SLX4IP: variants seen among roughly 807,000 people sequenced by gnomAD.
SLX4IP encodes the protein protein SLX4IP.
Under a neutral mutation model 32.9 loss-of-function variants are expected in SLX4IP, and 34 were observed. That is an observed-to-expected ratio of 1.03 (90% confidence interval 0.79 to 1.38). The LOEUF (loss-of-function observed/expected upper bound fraction) is 1.38, where lower values mean the gene tolerates loss of function less well. SLX4IP is among the 40% of genes most tolerant of loss of function. SLX4IP has a pLI of 0.00. For missense variants in SLX4IP, 444 were observed against 479.0 expected (o/e 0.93, Z 0.68); for synonymous variants, 172 against 171.7 (o/e 1.00, Z -0.01).
chr20:10,613,711 C>T (rs1341308359), intron 6 of SLX4IP: 47 of 1,612,654 alleles, frequency 2.9e-5, no homozygotes, highest in East Asian at 6.7e-5. Context: ...GGGACCTCTC[C>T]GGCGTCAATA....
chr20:10,623,257 CATCTT>C lies in SLX4IP; in HGVS notation c.1108_1112del (p.Leu370GlufsTer3). 3 of 1,614,226 alleles carry C rather than the reference CATCTT, an allele frequency of 1.9e-6. No homozygotes were observed. In the South Asian group the frequency reaches 3.3e-5, roughly 18 times the overall value. ...TGTTTTGGAAAGTCTCTCCTCCAGA[CATCTT>C]ATGAAAAATAACCCAGGGCAGGCAC... On this transcript the variant is annotated frameshift_variant, in exon 8 of 8. Coordinates refer to ENST00000334534, the MANE Select transcript of SLX4IP (RefSeq NM_001009608.3). LOFTEE classifies it high-confidence loss of function.
chr20:10,563,069 G>A (rs909658844), intron 4 of SLX4IP, among the ~76,000 whole-genome samples: 1 of 152,142 alleles, frequency 6.6e-6, no homozygotes, highest in Non-Finnish European at 1.5e-5. Flanking sequence ...ATCCTTGCCA[G>A]CACTTGTTAG....
At chr20:10,501,307 C>G (rs2065716015) in intron 2 of SLX4IP, among the ~76,000 whole-genome samples, 1 of 152,080 alleles carries the variant, frequency 6.6e-6, no homozygotes, top group Admixed American at 6.5e-5. Flanking sequence ...GAAACTAATG[C>G]TTTAATTTAC....
At chr20:10,613,362 C>A (rs2066990045) in intron 6 of SLX4IP, 1 of 1,269,892 alleles carries the variant, frequency 7.9e-7, no homozygotes. Flanking sequence ...TGCTTTTTGC[C>A]TTCAAGTCTT....
intron 2 of SLX4IP, among the ~76,000 whole-genome samples, chr20:10,468,687 C>CT (rs1881118376): frequency 6.6e-6 from 1 of 152,172 alleles, no homozygotes; most frequent in Non-Finnish European, 1.5e-5. Flanking sequence ...CAGTGAATGA[C>CT]TTGCTTTTTC....
rs1048066671 is a variant in SLX4IP at position 10,598,937 on chromosome 20, C to T, written c.316+185C>T. Among the ~76,000 whole-genome samples the T allele has an allele frequency of 2.0e-5, 3 of 152,330 alleles. No homozygotes were observed. In the East Asian group the frequency reaches 5.8e-4, roughly 29 times the overall value. On this transcript the variant is annotated intron_variant, in intron 5 of 7. Coordinates refer to ENST00000334534, the MANE Select transcript of SLX4IP (RefSeq NM_001009608.3). ...ACTGTGTTTACTGCCTCTCTAAGAA[C>T]AGTGAGCTGGGCCACATCATGCTTT...
chr20:10,580,764 A>G (rs1316552148), intron 4 of SLX4IP, among the ~76,000 whole-genome samples: 1 of 152,150 alleles, frequency 6.6e-6, no homozygotes, highest in African/African-American at 2.4e-5. Flanking sequence ...TGAAAAAAGC[A>G]TAACCATTTC....
chr20:10,449,101 T>A (rs1308814537), intron 1 of SLX4IP, among the ~76,000 whole-genome samples: 1 of 152,194 alleles, frequency 6.6e-6, no homozygotes, highest in Non-Finnish European at 1.5e-5. Flanking sequence ...CACCGTTTAA[T>A]TCATCCCCAG....
At chr20:10,454,408 G>A (rs1006028366) in intron 1 of SLX4IP, among the ~76,000 whole-genome samples, 1 of 113,298 alleles carries the variant, frequency 8.8e-6, no homozygotes, top group African/African-American at 2.7e-5. Flanking sequence ...TGCAGGCAGA[G>A]GAAGGTCTCT....
rs1223496161 is a variant in SLX4IP, at chr20:10,435,359, A to G, written c.-124A>G. 1.3e-5 allele frequency: 2 copies of G among 152,206 alleles called. No homozygotes were observed. Among genetic ancestry groups the G allele is most frequent in the Non-Finnish European group, 2.9e-5 (2 of 68,050 alleles). The allele number at this position is 152,206 out of a possible 1,614,324, so 9.4% of individuals were successfully genotyped here. A position where few individuals can be genotyped will look rare whatever the true frequency, so the allele number is the denominator to read the frequency against. ...TGGCTGCAGTTCCGGCTACCTGTGT[A>G]GTCCGAGTTTCCACAGCCAGGTACT... On this transcript the variant is annotated 5_prime_UTR_variant, in exon 1 of 8. Transcript: ENST00000334534.
At chr20:10,473,240 G>A (rs2065441233) in intron 2 of SLX4IP, among the ~76,000 whole-genome samples, 1 of 152,154 alleles carries the variant, frequency 6.6e-6, no homozygotes, top group South Asian at 2.1e-4. Flanking sequence ...CTACTCACAG[G>A]CTAAATGGTT....
Position 10,579,281 on chromosome 20 carries a change from A to G in SLX4IP, c.238+18461A>G, listed in dbSNP as rs570738711. 2.0e-5 allele frequency among the ~76,000 whole-genome samples: 3 copies of G among 152,222 alleles called. No homozygotes were observed. In the South Asian group the frequency reaches 6.2e-4, roughly 32 times the overall value. ...TCCAACTTTATTCTTTTGCATGTGG[A>G]TATCCAGTTGTCCAAGTACCTTTTG... On this transcript the variant is annotated intron_variant, in intron 4 of 7. Transcript: ENST00000334534.
chr20:10,554,981 A>C (rs1019561466), intron 2 of SLX4IP, among the ~76,000 whole-genome samples: 2 of 151,902 alleles, frequency 1.3e-5, no homozygotes, highest in African/African-American at 4.8e-5. Context: ...TATTTTTCTC[A>C]ATATTTGGTG....
chr20:10,480,871 C>T (rs1170309445), intron 2 of SLX4IP, among the ~76,000 whole-genome samples: 1 of 152,120 alleles, frequency 6.6e-6, no homozygotes, highest in Non-Finnish European at 1.5e-5. Context: ...AGTCTTGGCT[C>T]TTACTTTCTT....
Position 10,556,317 on chromosome 20 carries a change from A to G in SLX4IP, c.114A>G (p.Lys38=), listed in dbSNP as rs1425993639. The G allele has an allele frequency of 6.2e-6, 10 of 1,613,018 alleles. No homozygotes were observed. The highest frequency in any genetic ancestry group is 1.1e-5 in the South Asian group (1 of 90,610). The change falls in exon 3 of 8, where the codon AAA becomes AAG. Residue 38 remains lysine (K), a synonymous_variant. Coordinates refer to ENST00000334534, the MANE Select transcript of SLX4IP (RefSeq NM_001009608.3). ...CAAGCTGGTTTTCTGAACAGAAGAA[A>G]GAGGTACAACAAAACTTTCTACTAT... The part of the protein sequence containing the change: ...KDTSWFSEQK[K]EEVCLLLKET...
intron 4 of SLX4IP, among the ~76,000 whole-genome samples, chr20:10,578,239 CA>C (rs2066544236): frequency 6.6e-6 from 1 of 152,138 alleles, no homozygotes; most frequent in Admixed American, 6.5e-5. Flanking sequence ...TCATTTTCCC[CA>C]ATACCCCAGC....
chr20:10,502,506 A>G (rs146900665), intron 2 of SLX4IP, among the ~76,000 whole-genome samples: 66 of 152,218 alleles, frequency 4.3e-4, no homozygotes, highest in Non-Finnish European at 8.8e-4. Context: ...AAACCCACTC[A>G]CTTTCAACCT....
At chr20:10,494,739 A>C (rs2065652515) in intron 2 of SLX4IP, among the ~76,000 whole-genome samples, 1 of 150,778 alleles carries the variant, frequency 6.6e-6, no homozygotes, top group Admixed American at 6.6e-5. Flanking sequence ...CCCTGGCCCT[A>C]CTCCCACTTT....
rs1210998268 is a variant in SLX4IP at position 10,468,632 on chromosome 20, C to T, written c.27+10401C>T. 5.9e-5 allele frequency among the ~76,000 whole-genome samples: 9 copies of T among 152,142 alleles called. No individual in the cohort carries two copies. In the South Asian group the frequency reaches 1.7e-3, roughly 28 times the overall value. On this transcript the variant is annotated intron_variant, in intron 2 of 7. Transcript: ENST00000334534. ...TTTCCCTCTGTTTGCTATCTCTCAC[C>T]TTTTCTTCCTTGGTCCACACCCTTC...
Sources: gnomAD v4.1 joint callset for allele counts (sites outside exome capture counted in the v4.1 genomes callset) on GRCh38, gnomAD v4.1.1 for gene constraint, MANE v1.5 for transcripts, NCBI Gene and HGNC (gene_info 2026-07-23, HGNC 2026-07-21) for gene names.